ZNF215: variants seen among roughly 807,000 people sequenced by gnomAD.
ZNF215 encodes the protein BWSCR2-associated zinc finger protein 2.
In ZNF215, 24 loss-of-function variants were observed where a neutral mutation model predicts 27.2. The ratio of observed to expected loss-of-function variants is 0.88; its 90% CI spans 0.64 to 1.24. The LOEUF (loss-of-function observed/expected upper bound fraction) is 1.24, where lower values mean the gene tolerates loss of function less well. ZNF215 is among the 50% of genes most tolerant of loss of function. ZNF215 has a pLI of 0.00. For missense variants in ZNF215, 675 were observed against 605.7 expected (o/e 1.11, Z -1.20); for synonymous variants, 210 against 204.0 (o/e 1.03, Z -0.25).
chr11:6,948,416 A>G (rs560014596), intron 6 of ZNF215, among the ~76,000 whole-genome samples: 96 of 152,344 alleles, frequency 6.3e-4, no homozygotes, highest in African/African-American at 2.2e-3. Context: ...ATTTTATAAA[A>G]TAATAGAACC....
chr11:6,975,383 A>G (rs745993538), intron 5 of ZNF215, among the ~76,000 whole-genome samples: 5 of 151,962 alleles, frequency 3.3e-5, no homozygotes, highest in Non-Finnish European at 5.9e-5. Flanking sequence ...CCTTTTTGTT[A>G]TGATCCAGTT....
intron 5 of ZNF215, among the ~76,000 whole-genome samples, chr11:6,966,175 C>A (rs1284303196): frequency 6.6e-6 from 1 of 152,090 alleles, no homozygotes; most frequent in African/African-American, 2.4e-5. Context: ...TATTACACAG[C>A]CATAAAAAAG....
At chr11:6,942,897 A>G (rs11824633) in intron 4 of ZNF215, among the ~76,000 whole-genome samples, 186 bp from the exon 5 acceptor site, 10,598 of 152,200 alleles carry the variant, frequency 0.07, 428 homozygotes, top group East Asian at 0.17. Context: ...TATATATAGT[A>G]CCAATTTGTT....
Position 6,955,742 on chromosome 11 carries a change from G to C in ZNF215, c.765G>C (p.Arg255Ser). The C allele has an allele frequency of 6.2e-7, 1 of 1,604,062 alleles. No homozygotes were observed. Among genetic ancestry groups the C allele is most frequent in the Non-Finnish European group, 8.5e-7 (1 of 1,177,024 alleles). ...EESSHGVIMT[R>S]LTESGHPSSD... ...CATCCCATGGAGTGATTATGACAAG[G>C]CTTACCGAAAGTGGACACCCTTCTT... is the stretch of plus-strand genomic sequence containing the variant. The change falls in exon 7 of 7, where the codon AGG (arginine) becomes AGC (serine). Residue 255 changes from arginine (R) to serine (S), a missense_variant. Coordinates refer to ENST00000278319, the MANE Select transcript of ZNF215 (RefSeq NM_013250.4).
chr11:6,986,383 A>T (rs1345348858), downstream of ZNF215, among the ~76,000 whole-genome samples: 1 of 152,152 alleles, frequency 6.6e-6, no homozygotes, highest in Non-Finnish European at 1.5e-5. Context: ...CTAACTCAAG[A>T]TGTATTAAAG....
chr11:6,951,114 G>A lies in ZNF215; in HGVS notation c.713-4576G>A, dbSNP rs1590064830. Among the ~76,000 whole-genome samples the A allele has an allele frequency of 2.0e-5, 3 of 152,296 alleles. 1 individual carries two copies. Among genetic ancestry groups the A allele is most frequent in the South Asian group, 2.1e-4 (1 of 4,826 alleles). On this transcript the variant is annotated intron_variant, in intron 6 of 6. Coordinates refer to ENST00000278319, the MANE Select transcript of ZNF215 (RefSeq NM_013250.4). ...GATCATGGTGGATAAGCTTTTTCAT[G>A]TGCTGCTGGATTTGCTTTGCCAGTA...
At chr11:6,943,987 A>T (rs1239919413) in intron 6 of ZNF215, among the ~76,000 whole-genome samples, 2 of 152,164 alleles carry the variant, frequency 1.3e-5, no homozygotes, top group Non-Finnish European at 2.9e-5. Flanking sequence ...AGAATAGTGC[A>T]TGGTATGGCT....
chr11:6,929,863 C>T (rs1005489547), intron 2 of ZNF215, among the ~76,000 whole-genome samples: 3 of 151,568 alleles, frequency 2.0e-5, no homozygotes, highest in Admixed American at 6.6e-5. Context: ...TGCTGTACCT[C>T]GTGAATGGCT....
chr11:6,957,126 G>C lies in ZNF215; in HGVS notation c.*595G>C, dbSNP rs1850390928. On this transcript the variant is annotated 3_prime_UTR_variant, in exon 7 of 7. Transcript: ENST00000278319. The stretch of plus-strand genomic sequence containing the variant: ...AGGGTTATCAACTGCAATGGGAGAA[G>C]TATGTATTGCTGTTAATCTATATGT... 2 of 985,430 alleles carry C rather than the reference G, an allele frequency of 2.0e-6. No homozygotes were observed. The highest frequency in any genetic ancestry group is 9.4e-5 in the South Asian group (2 of 21,292). 61.0% of individuals were successfully genotyped at this position (985,430 alleles called of 1,614,324 possible). A position where few individuals can be genotyped will look rare whatever the true frequency, so the allele number is the denominator to read the frequency against.
chr11:6,940,966 A>G (rs1442752322), intron 3 of ZNF215, among the ~76,000 whole-genome samples: 3 of 152,302 alleles, frequency 2.0e-5, no homozygotes, highest in Admixed American at 2.0e-4. Flanking sequence ...ACACTTGAGG[A>G]TCACTGATGT....
intron 5 of ZNF215, among the ~76,000 whole-genome samples, chr11:6,980,619 A>ATTG (rs1850928869): frequency 6.6e-6 from 1 of 151,466 alleles, no homozygotes; most frequent in Non-Finnish European, 1.5e-5. Flanking sequence ...TATTATTATT[A>ATTG]TTATTATACT....
At chr11:6,931,828 T>C (rs1849274530) in intron 2 of ZNF215, among the ~76,000 whole-genome samples, 1 of 152,210 alleles carries the variant, frequency 6.6e-6, no homozygotes, top group East Asian at 1.9e-4. Flanking sequence ...ATAGAATAAA[T>C]CTAATTGTAA....
rs376403866 is a variant in ZNF215 at position 6,929,476 on chromosome 11, C to T, written c.-180+1669C>T. Among the ~76,000 whole-genome samples, 8 of 152,226 alleles carry T rather than the reference C, an allele frequency of 5.3e-5. No individual in the cohort carries two copies. The South Asian group carries it at 1.7e-3, about 32-fold the overall frequency. On this transcript the variant is annotated intron_variant, in intron 2 of 6. Coordinates refer to ENST00000278319, the MANE Select transcript of ZNF215 (RefSeq NM_013250.4). Reference sequence around the variant, plus strand: ...TACCACATTACATTCTGTTGTCATGCCCCCTTAGGCTTCTCTTGGCTGTGA... The same window carrying T: ...TACCACATTACATTCTGTTGTCATGTCCCCTTAGGCTTCTCTTGGCTGTGA...
intron 6 of ZNF215, among the ~76,000 whole-genome samples, chr11:6,949,773 T>C (rs1433905623): frequency 6.6e-6 from 1 of 152,242 alleles, no homozygotes; most frequent in Admixed American, 6.5e-5. Flanking sequence ...TTTGTTTCCA[T>C]TGCTTTTGGT....
intron 5 of ZNF215, among the ~76,000 whole-genome samples, chr11:6,972,060 T>C (rs1850729268): frequency 6.6e-6 from 1 of 152,120 alleles, no homozygotes; most frequent in African/African-American, 2.4e-5. Flanking sequence ...AATAGTTGTC[T>C]TCCCAAGACT....
intron 5 of ZNF215, among the ~76,000 whole-genome samples, chr11:6,981,688 C>T (rs1157055904): frequency 2.6e-5 from 4 of 152,158 alleles, no homozygotes; most frequent in Non-Finnish European, 5.9e-5. Context: ...CTTGCCCATG[C>T]CTATGTCTTG....
intron 6 of ZNF215, 133 bp downstream of exon 6, chr11:6,943,774 C>T: frequency 2.7e-6 from 2 of 740,860 alleles, no homozygotes; most frequent in Non-Finnish European, 4.6e-6. Context: ...GGGGAAAAGA[C>T]ATTATTCGCT....
In ZNF215 at chr11:6,955,736, G is replaced by A; in HGVS notation, c.759G>A (p.Met253Ile). The A allele has an allele frequency of 6.2e-7, 1 of 1,600,864 alleles. No homozygotes were observed. The highest frequency in any genetic ancestry group is 8.5e-7 in the Non-Finnish European group (1 of 1,175,912). Residue 253 changes from methionine (M) to isoleucine (I), a missense_variant, in exon 7 of 7, where the codon ATG (methionine) becomes ATA (isoleucine). Met to Ile is a conservative substitution (Grantham distance 10, BLOSUM62 1). Transcript: ENST00000278319. ...AAGAATCATCCCATGGAGTGATTATGACAAGGCTTACCGAAAGTGGACACC... is the reference window on the plus strand; with the variant it reads ...AAGAATCATCCCATGGAGTGATTATAACAAGGCTTACCGAAAGTGGACACC... ...SGEESSHGVI[M>I]TRLTESGHPS...
chr11:6,957,900 A>C lies in ZNF215; in HGVS notation c.*1369A>C, dbSNP rs964516710. The C allele has an allele frequency of 2.7e-4, 266 of 985,316 alleles. 2 individuals are homozygous for C. The highest frequency in any genetic ancestry group is 9.4e-5 in the South Asian group (2 of 21,290). 61.0% of individuals were successfully genotyped at this position (985,316 alleles called of 1,614,324 possible). ...ATCCCATCTGGTTCTTGAGCCAAGA[A>C]GTATGACTTAATCTGCCCCAAAAAA... is the stretch of plus-strand genomic sequence containing the variant. On this transcript the variant is annotated 3_prime_UTR_variant, in exon 7 of 7. Transcript: ENST00000278319.
Sources: gnomAD v4.1 joint callset for allele counts (sites outside exome capture counted in the v4.1 genomes callset) on GRCh38, gnomAD v4.1.1 for gene constraint, MANE v1.5 for transcripts, NCBI Gene and HGNC (gene_info 2026-07-23, HGNC 2026-07-21) for gene names.